The following C9orf43 variants were observed in gnomAD, a reference collection of about 807,000 sequenced individuals.
C9orf43 encodes the protein uncharacterized protein C9orf43.
Under a neutral mutation model 59.1 loss-of-function variants are expected in C9orf43, and 45 were observed. The ratio of observed to expected loss-of-function variants is 0.76; its 90% CI spans 0.60 to 0.98. The LOEUF is 0.98. Ranked by LOEUF, C9orf43 falls within the 50% of genes least tolerant of loss-of-function variation. The probability of loss-of-function intolerance (pLI) is 0.00; values close to 1 mark genes in which losing one functional copy is unlikely to be tolerated. For missense variants in C9orf43, 533 were observed against 554.9 expected, an observed-to-expected ratio of 0.96 and a Z score of 0.40; for synonymous variants, 203 against 196.8, an observed-to-expected ratio of 1.03 and a Z score of -0.26.
At chr9:113,412,263 C>G (rs1242000530) in intron 1 of C9orf43, among the ~76,000 whole-genome samples, 1 of 152,110 alleles carries the variant, frequency 6.6e-6, no homozygotes, top group African/African-American at 2.4e-5. Context: ...GTATTTTGGT[C>G]CCTAAAAGGA....
At chr9:113,416,532 C>T (rs1828364121) in intron 3 of C9orf43, among the ~76,000 whole-genome samples, 1 of 152,170 alleles carries the variant, frequency 6.6e-6, no homozygotes, top group Non-Finnish European at 1.5e-5. Context: ...TCTGGCCTTC[C>T]TACTGGACCT....
At chr9:113,416,300 A>G (rs1828355831) in intron 3 of C9orf43, among the ~76,000 whole-genome samples, 1 of 152,216 alleles carries the variant, frequency 6.6e-6, no homozygotes, top group South Asian at 2.1e-4. Context: ...TTTGTTTACT[A>G]GAGAACAGAC....
chr9:113,415,007 T>A (rs1828307541), intron 3 of C9orf43, among the ~76,000 whole-genome samples: 2 of 152,112 alleles, frequency 1.3e-5, no homozygotes, highest in Admixed American at 6.6e-5. Context: ...GATTTTTATA[T>A]TTTTAGTAGA....
Position 113,422,926 on chromosome 9 carries a change from A to G in C9orf43, c.483+341A>G, listed in dbSNP as rs111549264. On this transcript the variant is annotated intron_variant, in intron 6 of 13. Coordinates refer to ENST00000374165, the MANE Select transcript of C9orf43 (RefSeq NM_001278629.2). ...TTATAAGACCTGGGCTTCTAACTCT[A>G]ATTGTACCATTTATGAGTAAATGTG... 7.8e-3 allele frequency among the ~76,000 whole-genome samples: 1,192 copies of G among 152,318 alleles called. 3 individuals carry two copies. The highest frequency in any genetic ancestry group is 0.012 in the Non-Finnish European group (839 of 68,020).
chr9:113,422,490 C>T, intron 5 of C9orf43, 59 bp from the exon 6 acceptor site: 1 of 1,603,428 alleles, frequency 6.2e-7, no homozygotes, highest in Non-Finnish European at 8.5e-7. Flanking sequence ...TGTGCTTACT[C>T]TTATTTCAAG....
rs889789570 is a variant in C9orf43 at position 113,421,148 on chromosome 9, G to A, written c.391G>A (p.Asp131Asn). The A allele has an allele frequency of 3.7e-6, 6 of 1,613,806 alleles. No individual in the cohort carries two copies. In the South Asian group the frequency reaches 6.6e-5, roughly 18 times the overall value. The change falls in exon 5 of 14, where the codon GAT becomes AAT. Residue 131 changes from aspartate to asparagine, a missense_variant. By Grantham distance (23) the Asp-to-Asn change is conservative. Coordinates refer to ENST00000374165, the MANE Select transcript of C9orf43 (RefSeq NM_001278629.2). ...TGAGACGCAACTTCCCTGCCCTGAA[G>A]ATGTTAGAAATATGGTTGTATTGTG... ...LNETQLPCPEDVRNMVVLWIP... is the reference protein window; with the variant it reads ...LNETQLPCPENVRNMVVLWIP...
At chr9:113,414,704 A>G (rs749037274) in intron 3 of C9orf43, among the ~76,000 whole-genome samples, 5 of 152,150 alleles carry the variant, frequency 3.3e-5, no homozygotes, top group Non-Finnish European at 7.4e-5. Context: ...TTACCTTAAT[A>G]ACTTTTTAAA....
At chr9:113,414,046 AAG>A in intron 3 of C9orf43, 152 bp downstream of exon 3, 1 of 836,288 alleles carries the variant, frequency 1.2e-6, no homozygotes, top group Non-Finnish European at 1.8e-6. Flanking sequence ...GGGAAACAGA[AAG>A]AAACCCTTCC....
chr9:113,427,551 G>A (rs186062824), intron 11 of C9orf43, among the ~76,000 whole-genome samples: 2 of 152,298 alleles, frequency 1.3e-5, no homozygotes, highest in Admixed American at 1.3e-4. Context: ...TAGGAACTAG[G>A]CCTCAGTGTT....
rs1233815392 is a variant in C9orf43 at position 113,429,301 on chromosome 9, G to A, written c.1301G>A (p.Gly434Asp). The change falls in exon 14 of 14, where the codon GGC becomes GAC. Residue 434 changes from glycine to aspartate, a missense_variant. Physicochemically the swap from Gly to Asp is moderately conservative, Grantham distance 94 (BLOSUM62 -1). Transcript: ENST00000374165. ...TTTTCAGAAATTATGGCTAGCACAGGCTGGAACTCTGAGCTCAAACTACTT... is the reference window on the plus strand; with the variant it reads ...TTTTCAGAAATTATGGCTAGCACAGACTGGAACTCTGAGCTCAAACTACTT... ...FNFSEIMAST[G>D]WNSELKLLRI... The A allele has an allele frequency of 1.2e-6, 2 of 1,614,210 alleles. No individual in the cohort carries two copies. The highest frequency in any genetic ancestry group is 3.3e-5 in the Admixed American group (2 of 60,026).
intron 8 of C9orf43, 111 bp downstream of exon 8, chr9:113,424,427 C>A: frequency 8.4e-7 from 1 of 1,197,136 alleles, no homozygotes; most frequent in Non-Finnish European, 1.2e-6. Context: ...TGCCTTTCCA[C>A]TCTGAACCCA....
chr9:113,420,656 A>G (rs1828528074), intron 4 of C9orf43: 1 of 564,346 alleles, frequency 1.8e-6, no homozygotes, highest in Admixed American at 6.3e-5. Context: ...TTTGACTTTT[A>G]TATAAATGCC....
rs769812005 is a variant in C9orf43 at position 113,423,331 on chromosome 9, C to G, written c.489C>G (p.Ser163Arg). ...TTCCATTGTTTCTCTTCCAGAAAAG[C>G]AAGTCATTTCTGGGTCTCTCTGGAA... ...KKKRKNSAVK[S>R]KSFLGLSGNQ... The change falls in exon 7 of 14, where the codon AGC becomes AGG. Residue 163 changes from serine (S) to arginine (R), a missense_variant. Transcript: ENST00000374165. 1 of 1,613,220 alleles carries G rather than the reference C, an allele frequency of 6.2e-7. No individual in the cohort carries two copies. Among genetic ancestry groups the G allele is most frequent in the South Asian group, 1.1e-5 (1 of 91,016 alleles).
chr9:113,414,004 C>T, intron 3 of C9orf43, 110 bp downstream of exon 3: 1 of 1,226,080 alleles, frequency 8.2e-7, no homozygotes, highest in African/African-American at 1.5e-5. Flanking sequence ...AAGAAAATAC[C>T]AATTGGGTTA....
At chr9:113,411,734 A>G (rs566503946) in intron 1 of C9orf43, among the ~76,000 whole-genome samples, 1 of 152,174 alleles carries the variant, frequency 6.6e-6, no homozygotes, top group Non-Finnish European at 1.5e-5. Flanking sequence ...GCTGGAGTGC[A>G]GCGGCACGGT....
rs1389158682 is a variant in C9orf43, at chr9:113,410,795, GC to G, written c.-254del. The G allele has an allele frequency of 3.3e-6, 1 of 306,966 alleles. No individual in the cohort carries two copies. The highest frequency in any genetic ancestry group is 4.9e-6 in the Non-Finnish European group (1 of 203,804). 19.0% of individuals were successfully genotyped at this position (306,966 alleles called of 1,614,324 possible). A position where few individuals can be genotyped will look rare whatever the true frequency, so the allele number is the denominator to read the frequency against. ...CCGCCGGGTCCGTTAATCTCACCGCGCCGCAAGGGGCCACGTTTTACCACTT... is the reference window on the plus strand; with the variant it reads ...CCGCCGGGTCCGTTAATCTCACCGCGCGCAAGGGGCCACGTTTTACCACTT... On this transcript the variant is annotated 5_prime_UTR_variant, in exon 1 of 14. Coordinates refer to ENST00000374165, the MANE Select transcript of C9orf43 (RefSeq NM_001278629.2).
At position 113,421,217 on chromosome 9, in the gene C9orf43, C is replaced by G. The variant is rs780586352; in HGVS notation, c.446+14C>G. On this transcript the variant is annotated intron_variant, in intron 5 of 13. Transcript: ENST00000374165. The stretch of plus-strand genomic sequence containing the variant: ...GATACATGTGAGGTGAGTATCATAT[C>G]TGGAACTCAGAGGACTTTGACTCTA... The G allele has an allele frequency of 5.8e-6, 9 of 1,562,978 alleles. 1 individual carries two copies. In the South Asian group the frequency reaches 1.0e-4, roughly 17 times the overall value.
chr9:113,428,200 GA>G lies in C9orf43; in HGVS notation c.1089del (p.Gly364GlufsTer14). The G allele has an allele frequency of 6.2e-7, 1 of 1,614,146 alleles. No homozygotes were observed. The highest frequency in any genetic ancestry group is 8.5e-7 in the Non-Finnish European group (1 of 1,180,004). ...NSDMKQQQQM[E>X]KGTTSKQDST... is the part of the protein sequence containing the mutation. ...TGACATGAAGCAGCAGCAGCAGATG[GA>G]AAAAGGAACCACTTCGAAACAGGTG... On this transcript the variant is annotated frameshift_variant, in exon 12 of 14. Transcript: ENST00000374165. LOFTEE classifies it high-confidence loss of function.
intron 3 of C9orf43, among the ~76,000 whole-genome samples, chr9:113,417,493 A>G (rs1433692322): frequency 6.6e-6 from 1 of 152,224 alleles, no homozygotes; most frequent in African/African-American, 2.4e-5. Context: ...TCCTCAAGGG[A>G]CTTTCAGCCT....
Sources: gnomAD v4.1 joint callset for allele counts (sites outside exome capture counted in the v4.1 genomes callset) on GRCh38, gnomAD v4.1.1 for gene constraint, MANE v1.5 for transcripts, NCBI Gene and HGNC (gene_info 2026-07-23, HGNC 2026-07-21) for gene names.